Variants in PTPRK observed in about 807,000 individuals in gnomAD.
PTPRK encodes the protein receptor-type tyrosine-protein phosphatase kappa.
A neutral mutation model predicts 178.0 loss-of-function variants in PTPRK; 75 were observed. That is an observed-to-expected ratio of 0.42 (90% CI 0.35 to 0.51). The LOEUF (loss-of-function observed/expected upper bound fraction) is 0.51, where lower values mean the gene tolerates loss of function less well. Among genes scored for constraint, PTPRK ranks in the 20% least tolerant of loss-of-function variants. The probability of loss-of-function intolerance (pLI) is 0.02; values close to 1 mark genes in which losing one functional copy is unlikely to be tolerated. For missense variants in PTPRK, 1,441 were observed against 1,797.8 expected (o/e 0.80, Z 3.59); for synonymous variants, 637 against 620.6 (o/e 1.03, Z -0.39).
intron 1 of PTPRK, among the ~76,000 whole-genome samples, chr6:128,493,641 C>G (rs1179444609): frequency 7.4e-6 from 1 of 134,996 alleles, no homozygotes; most frequent in Non-Finnish European, 1.6e-5. Flanking sequence ...CACACACACA[C>G]ACACAGAAAC....
intron 8 of PTPRK, among the ~76,000 whole-genome samples, chr6:128,087,233 C>A (rs1582940777): frequency 6.6e-6 from 1 of 152,014 alleles, no homozygotes; most frequent in African/African-American, 2.4e-5. Context: ...TCCAAAAATA[C>A]CATCAAAATG....
At chr6:127,997,032 T>C (rs779293359) in intron 16 of PTPRK, 44 bp from the exon 17 acceptor site, 8 of 1,578,398 alleles carry the variant, frequency 5.1e-6, no homozygotes, top group Non-Finnish European at 6.9e-6. Context: ...TAATTCCTTT[T>C]TAAAAATCAG....
At chr6:128,075,612 A>G (rs927047043) in intron 11 of PTPRK, among the ~76,000 whole-genome samples, 1 of 152,082 alleles carries the variant, frequency 6.6e-6, no homozygotes, top group Non-Finnish European at 1.5e-5. Flanking sequence ...ACGGGTGCAC[A>G]TACTAATTGC....
chr6:128,104,267 C>T (rs1157663725), intron 7 of PTPRK, among the ~76,000 whole-genome samples: 1 of 152,172 alleles, frequency 6.6e-6, no homozygotes, highest in Non-Finnish European at 1.5e-5. Context: ...CACTCTGTCA[C>T]CCAGGCTGGA....
chr6:128,263,850 T>C (rs1397421642), intron 3 of PTPRK, among the ~76,000 whole-genome samples: 1 of 152,264 alleles, frequency 6.6e-6, no homozygotes, highest in Non-Finnish European at 1.5e-5. Flanking sequence ...GAGTACCTTG[T>C]AGAGGTGGCA....
chr6:128,301,418 G>A (rs373160370), intron 3 of PTPRK, among the ~76,000 whole-genome samples: 18 of 151,884 alleles, frequency 1.2e-4, no homozygotes, highest in African/African-American at 4.3e-4. Flanking sequence ...TGGTGTGTTG[G>A]TAAATTTTGC....
intron 1 of PTPRK, among the ~76,000 whole-genome samples, chr6:128,499,360 G>T (rs1182568603): frequency 6.6e-6 from 1 of 152,208 alleles, no homozygotes; most frequent in Non-Finnish European, 1.5e-5. Flanking sequence ...GGGCCAAAGG[G>T]CAAGGCATTA....
chr6:128,328,878 A>C (rs1327603913), intron 2 of PTPRK, among the ~76,000 whole-genome samples: 1 of 152,212 alleles, frequency 6.6e-6, no homozygotes. Context: ...TACTTTTTAC[A>C]AATCTCTTTA....
At chr6:128,170,382 G>A (rs1800058268) in intron 7 of PTPRK, among the ~76,000 whole-genome samples, 1 of 151,988 alleles carries the variant, frequency 6.6e-6, no homozygotes, top group African/African-American at 2.4e-5. Context: ...ACTTTACTAG[G>A]AGACAATGAT....
At chr6:128,203,909 A>G (rs1206727291) in intron 6 of PTPRK, among the ~76,000 whole-genome samples, 2 of 152,202 alleles carry the variant, frequency 1.3e-5, no homozygotes, top group South Asian at 2.1e-4. Context: ...TCCTCATAAA[A>G]TTAGAAAAAA....
At chr6:128,244,753 G>C (rs1050446951) in intron 3 of PTPRK, among the ~76,000 whole-genome samples, 4 of 152,168 alleles carry the variant, frequency 2.6e-5, no homozygotes, top group Admixed American at 6.5e-5. Flanking sequence ...AGTAGGAGGA[G>C]GTGAAAACCT....
At chr6:128,459,790 T>A (rs1428075868) in intron 1 of PTPRK, among the ~76,000 whole-genome samples, 1 of 152,190 alleles carries the variant, frequency 6.6e-6, no homozygotes, top group African/African-American at 2.4e-5. Context: ...TGCATTGCTA[T>A]AAAGAAATAC....
chr6:128,324,651 C>G (rs1829303099), intron 2 of PTPRK, among the ~76,000 whole-genome samples: 1 of 152,062 alleles, frequency 6.6e-6, no homozygotes, highest in Admixed American at 6.6e-5. Context: ...TTCAATAATG[C>G]CTGACTACTG....
chr6:128,360,111 G>GA (rs1367402913), intron 2 of PTPRK, among the ~76,000 whole-genome samples: 2 of 152,082 alleles, frequency 1.3e-5, no homozygotes, highest in Non-Finnish European at 2.9e-5. Flanking sequence ...TTTTATAACA[G>GA]AAAAAAGCAC....
chr6:128,429,810 T>G (rs1844592107), intron 1 of PTPRK, among the ~76,000 whole-genome samples: 1 of 152,196 alleles, frequency 6.6e-6, no homozygotes, highest in African/African-American at 2.4e-5. Flanking sequence ...AGATAATTTC[T>G]ACCTTGAGAG....
intron 1 of PTPRK, among the ~76,000 whole-genome samples, chr6:128,509,185 AG>A (rs1255435083): frequency 6.6e-6 from 1 of 152,128 alleles, no homozygotes; most frequent in African/African-American, 2.4e-5. Context: ...AGTATATTTA[AG>A]GGTGGGTTCC....
At chr6:127,985,250 G>A (rs1229065095) in intron 22 of PTPRK, among the ~76,000 whole-genome samples, 1 of 152,058 alleles carries the variant, frequency 6.6e-6, no homozygotes, top group Non-Finnish European at 1.5e-5. Flanking sequence ...GTCCTCTAAT[G>A]TGAATTCTTT....
At chr6:127,978,815 C>A (rs1262575680) in intron 25 of PTPRK, among the ~76,000 whole-genome samples, 6 of 152,158 alleles carry the variant, frequency 3.9e-5, no homozygotes, top group East Asian at 1.9e-4. Flanking sequence ...TTACAGAATT[C>A]TTGGCCCTAG....
chr6:128,073,160 T>G (rs1304148134), intron 11 of PTPRK, among the ~76,000 whole-genome samples: 1 of 152,106 alleles, frequency 6.6e-6, no homozygotes, highest in Non-Finnish European at 1.5e-5. Flanking sequence ...GGCTGTTATA[T>G]TTTTAGATCC....
Sources: allele counts gnomAD v4.1 joint callset (sites outside exome capture counted in the v4.1 genomes callset), GRCh38; gene constraint gnomAD v4.1.1; transcripts MANE v1.5; gene names NCBI Gene and HGNC (gene_info 2026-07-23, HGNC 2026-07-21).